The following KCTD15 variants were observed in gnomAD, a reference collection of about 807,000 sequenced individuals.
KCTD15 encodes the protein BTB/POZ domain-containing protein KCTD15.
In KCTD15, 11 loss-of-function variants were observed where a neutral mutation model predicts 27.2. The ratio of observed to expected loss-of-function variants is 0.41; its 90% CI spans 0.25 to 0.67. The LOEUF is 0.67. Ranked by LOEUF, KCTD15 falls within the 30% of genes least tolerant of loss-of-function variation. The pLI, the probability that KCTD15 is intolerant of heterozygous loss-of-function variation, is 0.35. For missense variants in KCTD15, 350 were observed against 409.3 expected (o/e 0.86, Z 1.25); for synonymous variants, 163 against 176.0 (o/e 0.93, Z 0.58).
chr19:33,800,910 A>C (rs142392492), intron 3 of KCTD15, among the ~76,000 whole-genome samples: 1 of 152,216 alleles, frequency 6.6e-6, no homozygotes, highest in East Asian at 1.9e-4. Flanking sequence ...CACCTTGAAA[A>C]ATTTTTTTTC....
upstream of KCTD15, chr19:33,795,811 TC>T (rs2145415514): frequency 6.6e-6 from 1 of 151,968 alleles, no homozygotes; most frequent in South Asian, 2.1e-4. Flanking sequence ...GCCGTCTCCA[TC>T]GCGCCGCGCG....
chr19:33,812,739 AG>A, intron 6 of KCTD15, 50 bp from the exon 7 acceptor site: 1 of 1,402,342 alleles, frequency 7.1e-7, no homozygotes, highest in Non-Finnish European at 9.3e-7. Flanking sequence ...AGGCCAAGCC[AG>A]GTGTCCTCTT....
intron 4 of KCTD15, among the ~76,000 whole-genome samples, chr19:33,803,652 G>A (rs1361633507): frequency 3.9e-5 from 6 of 151,990 alleles, no homozygotes. Flanking sequence ...AAGCACAGCC[G>A]GGGCTGGGAG....
At chr19:33,807,915 C>T (rs999629507) in intron 5 of KCTD15, among the ~76,000 whole-genome samples, 2 of 150,826 alleles carry the variant, frequency 1.3e-5, no homozygotes, top group Admixed American at 6.6e-5. Context: ...CACTGCACTC[C>T]AGCCTGGATG....
In KCTD15 at chr19:33,811,305, A is replaced by G; in HGVS notation, c.446A>G (p.Glu149Gly). The stretch of plus-strand genomic sequence containing the variant: ...TATCAGCTCCAGCCCATGGTGCGCG[A>G]GCTGGAGCGCTGGCAGCAGGAGCAG... The part of the protein sequence containing the change: ...RYYQLQPMVR[E>G]LERWQQEQEQ... Residue 149 changes from glutamate (E) to glycine (G), a missense_variant, in exon 6 of 7, where the codon GAG becomes GGG. Glu to Gly is a moderately conservative substitution (Grantham distance 98). Around this residue, in one of 3 missense-constraint regions of KCTD15, gnomAD observed 219 missense variants for 234.9 expected, o/e 0.93. Coordinates refer to ENST00000683859, the MANE Select transcript of KCTD15 (RefSeq NM_001129994.2). The G allele has an allele frequency of 6.5e-7, 1 of 1,549,002 alleles. No homozygotes were observed.
At chr19:33,802,792 G>A (rs563401024) in intron 4 of KCTD15, among the ~76,000 whole-genome samples, 1 of 152,254 alleles carries the variant, frequency 6.6e-6, no homozygotes, top group African/African-American at 2.4e-5. Flanking sequence ...GACGACGTTT[G>A]TGAGTGAAAT....
chr19:33,811,165 C>A, intron 5 of KCTD15, 82 bp from the exon 6 acceptor site: 1 of 1,164,864 alleles, frequency 8.6e-7, no homozygotes, highest in Non-Finnish European at 1.2e-6. Context: ...TGGTTGGAAC[C>A]GGCAGGCCGC....
chr19:33,799,234 CT>C lies in KCTD15; in HGVS notation c.-28+470del, dbSNP rs1975450635. ...TGCCCGGGCACTCAGGGAGAGCAACCTTGCTTACATTTGCAGGATTTGATTC... is the reference window on the plus strand; with the variant it reads ...TGCCCGGGCACTCAGGGAGAGCAACCTGCTTACATTTGCAGGATTTGATTC... On this transcript the variant is annotated intron_variant, in intron 2 of 6. Transcript: ENST00000683859. Among the ~76,000 whole-genome samples the C allele has an allele frequency of 3.3e-5, 5 of 152,322 alleles. No individual in the cohort carries two copies. In the South Asian group the frequency reaches 1.0e-3, roughly 32 times the overall value.
At chr19:33,799,873 C>G (rs919638450) in intron 2 of KCTD15, among the ~76,000 whole-genome samples, 1 of 152,108 alleles carries the variant, frequency 6.6e-6, no homozygotes, top group Non-Finnish European at 1.5e-5. Context: ...AAGTGACTTG[C>G]CCTCATCCAT....
intron 6 of KCTD15, chr19:33,812,213 C>T: frequency 9.3e-7 from 1 of 1,077,226 alleles, no homozygotes; most frequent in Non-Finnish European, 1.1e-6. Flanking sequence ...TCAGACCTCA[C>T]CCTCACAGAG....
chr19:33,802,429 C>A (rs556419815), intron 4 of KCTD15, among the ~76,000 whole-genome samples: 1 of 152,334 alleles, frequency 6.6e-6, no homozygotes, highest in African/African-American at 2.4e-5. Flanking sequence ...GCAGAGGTGG[C>A]TTTCCAAGCC....
chr19:33,796,692 G>T (rs1163161148), upstream of KCTD15, among the ~76,000 whole-genome samples: 37 of 147,740 alleles, frequency 2.5e-4, no homozygotes, highest in African/African-American at 8.0e-4. Context: ...CAGCCGGAGA[G>T]CGGCGCGAGG....
upstream of KCTD15, among the ~76,000 whole-genome samples, chr19:33,794,645 G>A (rs1326432644): frequency 2.6e-5 from 4 of 152,180 alleles, no homozygotes; most frequent in East Asian, 5.8e-4. Context: ...GGCGGGGGAG[G>A]ACGTTTCTGT....
At chr19:33,804,772 G>A in intron 4 of KCTD15, among the ~76,000 whole-genome samples, 1 of 152,154 alleles carries the variant, frequency 6.6e-6, no homozygotes, top group Non-Finnish European at 1.5e-5. Context: ...GTGACCTGCA[G>A]TGCCATTGTC....
chr19:33,795,214 C>T (rs983717543), upstream of KCTD15, among the ~76,000 whole-genome samples: 5 of 152,216 alleles, frequency 3.3e-5, no homozygotes, highest in Non-Finnish European at 7.3e-5. Flanking sequence ...AAATTTCCCC[C>T]TTTTTCCTGT....
intron 6 of KCTD15, 84 bp from the exon 7 acceptor site, chr19:33,812,706 C>G (rs1418372294): frequency 7.2e-7 from 1 of 1,397,124 alleles, no homozygotes; most frequent in African/African-American, 1.5e-5. Flanking sequence ...CTGGCTGCCC[C>G]AGCAGGCACC....
chr19:33,811,590 C>A (rs749979379), intron 6 of KCTD15, 38 bp downstream of exon 6: 1 of 1,571,542 alleles, frequency 6.4e-7, no homozygotes, highest in Non-Finnish European at 8.6e-7. Context: ...GCCGCACCCC[C>A]GGCGTCCGCG....
chr19:33,813,196 AG>A lies in KCTD15; in HGVS notation c.*249del, dbSNP rs1568384842. 1 of 628,150 alleles carries A rather than the reference AG, an allele frequency of 1.6e-6. No homozygotes were observed. The highest frequency in any genetic ancestry group is 2.4e-5 in the Admixed American group (1 of 41,746). The allele number at this position is 628,150 out of a possible 1,614,324, so 38.9% of individuals were successfully genotyped here. ...TGGGATCTCTGCTGCCAGCTCTCCC[AG>A]CCCCTCAGCTTCGCAGCCTGGCGCA... is the stretch of plus-strand genomic sequence containing the variant. On this transcript the variant is annotated 3_prime_UTR_variant, in exon 7 of 7. Coordinates refer to ENST00000683859, the MANE Select transcript of KCTD15 (RefSeq NM_001129994.2).
intron 4 of KCTD15, among the ~76,000 whole-genome samples, chr19:33,802,007 A>C (rs1975569624): frequency 6.6e-6 from 1 of 152,162 alleles, no homozygotes; most frequent in Non-Finnish European, 1.5e-5. Flanking sequence ...GGCACCCTCC[A>C]TGCTGCTGAA....
Sources: allele counts gnomAD v4.1 joint callset (sites outside exome capture counted in the v4.1 genomes callset), GRCh38; gene constraint gnomAD v4.1.1; regional missense constraint gnomAD v4.1.1; transcripts MANE v1.5; gene names NCBI Gene and HGNC (gene_info 2026-07-23, HGNC 2026-07-21).